The following CSMD2 variants were observed in gnomAD, a reference collection of about 807,000 sequenced individuals.
CSMD2 encodes CUB and sushi domain-containing protein 2.
In CSMD2, 130 loss-of-function variants were observed where a neutral mutation model predicts 398.5. The ratio of observed to expected loss-of-function variants is 0.33; its 90% CI spans 0.28 to 0.38. CSMD2 has a LOEUF of 0.38. CSMD2 is among the 10% of genes least tolerant of loss of function. The probability of loss-of-function intolerance (pLI) is 1.00; values close to 1 mark genes in which losing one functional copy is unlikely to be tolerated. For synonymous variants in CSMD2, 1,828 were observed against 1,908.5 expected (o/e 0.96, Z 1.10); for missense variants, 3,829 against 4,764.9 (o/e 0.80, Z 5.78).
chr1:33,747,558 A>G (rs1647556958), intron 13 of CSMD2, among the ~76,000 whole-genome samples: 1 of 152,236 alleles, frequency 6.6e-6, no homozygotes, highest in African/African-American at 2.4e-5. Context: ...GGGAGGAAAA[A>G]AGAAATTCAA....
At position 33,626,556 on chromosome 1, in the gene CSMD2, G is replaced by A. The variant is rs1191334467; in HGVS notation, c.5226C>T (p.Ser1742=). 1.9e-6 allele frequency: 3 copies of A among 1,605,658 alleles called. No homozygotes were observed. The highest frequency in any genetic ancestry group is 2.5e-6 in the Non-Finnish European group (3 of 1,176,626). Residue 1742 remains serine, a synonymous_variant, in exon 33 of 71, where the codon TCC becomes TCT. Transcript: ENST00000373381. The part of the protein sequence containing the change: ...HTGESLPLAT[S]NQVLIKFSAK... ...CGCTGAACTTAATGAGAACTTGATTGGAGGTGGCCAAGGGCAGTGATTCTC... is the reference window on the plus strand; with the variant it reads ...CGCTGAACTTAATGAGAACTTGATTAGAGGTGGCCAAGGGCAGTGATTCTC...
intron 38 of CSMD2, among the ~76,000 whole-genome samples, chr1:33,617,209 G>C (rs1570958664): frequency 6.6e-6 from 1 of 152,360 alleles, no homozygotes; most frequent in East Asian, 1.9e-4. Flanking sequence ...TTCCTTGTGA[G>C]AGTCCTTTAA....
intron 48 of CSMD2, among the ~76,000 whole-genome samples, chr1:33,579,534 T>C (rs929869268): frequency 6.6e-6 from 1 of 152,038 alleles, no homozygotes; most frequent in Non-Finnish European, 1.5e-5. Context: ...CCCTGAAAGC[T>C]ACACCCAGGG....
chr1:33,550,675 GGTACGCAGA>G (rs1303800508), intron 55 of CSMD2, among the ~76,000 whole-genome samples: 2 of 152,176 alleles, frequency 1.3e-5, no homozygotes, highest in African/African-American at 2.4e-5. Flanking sequence ...GCAGGAAGGT[GGTACGCAGA>G]GTATACACAA....
At chr1:34,038,264 G>T (rs909791676) in intron 2 of CSMD2, among the ~76,000 whole-genome samples, 11 of 152,150 alleles carry the variant, frequency 7.2e-5, no homozygotes, top group Middle Eastern at 3.2e-3. Flanking sequence ...AAGGAGTGAG[G>T]TATCCTTCAA....
chr1:33,926,522 C>T lies in CSMD2; in HGVS notation c.713-8221G>A, dbSNP rs968253427. Among the ~76,000 whole-genome samples, 8 of 152,260 alleles carry T rather than the reference C, an allele frequency of 5.3e-5. No individual in the cohort carries two copies. In the South Asian group the frequency reaches 1.0e-3, roughly 20 times the overall value. ...GCCATCCCTGCCTCTTGGGCTCATC[C>T]GACACCCTGGCCCTTGCATCATCCT... is the stretch of plus-strand genomic sequence containing the variant. On this transcript the variant is annotated intron_variant, in intron 4 of 70. Transcript: ENST00000373381.
chr1:33,576,720 C>A (rs1456681358), intron 49 of CSMD2, among the ~76,000 whole-genome samples: 2 of 151,994 alleles, frequency 1.3e-5, no homozygotes, highest in Non-Finnish European at 2.9e-5. Context: ...ACATAAAAGA[C>A]CAAAGGAAAT....
At chr1:34,145,549 CA>C (rs1558459017) in intron 1 of CSMD2, among the ~76,000 whole-genome samples, 1 of 152,194 alleles carries the variant, frequency 6.6e-6, no homozygotes, top group Non-Finnish European at 1.5e-5. Flanking sequence ...TCTGTACCAG[CA>C]GACCTGAAAA....
At chr1:33,848,533 G>A (rs1638451544) in intron 5 of CSMD2, among the ~76,000 whole-genome samples, 1 of 152,192 alleles carries the variant, frequency 6.6e-6, no homozygotes, top group South Asian at 2.1e-4. Context: ...AGGCAAGGGA[G>A]AGGATCTGGA....
intron 3 of CSMD2, among the ~76,000 whole-genome samples, chr1:33,992,795 T>C (rs1646600520): frequency 6.7e-6 from 1 of 148,642 alleles, no homozygotes; most frequent in South Asian, 2.1e-4. Flanking sequence ...GAGAATGGTG[T>C]GAACCCGGGA....
intron 29 of CSMD2, among the ~76,000 whole-genome samples, chr1:33,639,677 A>G (rs2148926805): frequency 1.3e-5 from 2 of 152,302 alleles, no homozygotes; most frequent in Middle Eastern, 6.8e-3. Flanking sequence ...TTGGCTGAAT[A>G]CTTTGAGGCT....
chr1:33,585,327 C>T (rs1639008666), intron 46 of CSMD2, among the ~76,000 whole-genome samples: 1 of 152,100 alleles, frequency 6.6e-6, no homozygotes, highest in Admixed American at 6.5e-5. Flanking sequence ...ATTTTGGGTA[C>T]AAGACTTTGC....
At chr1:33,822,850 CT>C (rs1184445988) in intron 7 of CSMD2, among the ~76,000 whole-genome samples, 2 of 152,206 alleles carry the variant, frequency 1.3e-5, no homozygotes, top group Non-Finnish European at 2.9e-5. Flanking sequence ...TCCGTCCCTA[CT>C]GCAGACTTCC....
intron 15 of CSMD2, 145 bp downstream of exon 15, chr1:33,738,995 C>G (rs1569620602): frequency 1.5e-6 from 1 of 689,452 alleles, no homozygotes; most frequent in South Asian, 2.1e-5. Flanking sequence ...GCTATTCCAG[C>G]ATGAGGGTGA....
chr1:33,662,892 G>A lies in CSMD2; in HGVS notation c.4253C>T (p.Ser1418Leu). The A allele has an allele frequency of 6.2e-7, 1 of 1,614,132 alleles. No individual in the cohort carries two copies. The highest frequency in any genetic ancestry group is 8.5e-7 in the Non-Finnish European group (1 of 1,179,982). Residue 1418 changes from serine (S) to leucine (L), a missense_variant and splice_region_variant, in exon 26 of 71, where the codon TCA (serine) becomes TTA (leucine). By Grantham distance (145) the Ser-to-Leu change is moderately radical. Coordinates refer to ENST00000373381, the MANE Select transcript of CSMD2 (RefSeq NM_001281956.2). The part of the protein sequence containing the change: ...TSKQGFAIQF[S>L]VSTATSCNDP... ...GCTGGCAGAGGGCACGCACAGACCTGAAAATTGAATGGCAAAGCCCTGCTT... is the reference window on the plus strand; with the variant it reads ...GCTGGCAGAGGGCACGCACAGACCTAAAAATTGAATGGCAAAGCCCTGCTT...
intron 27 of CSMD2, 104 bp from the exon 28 acceptor site, chr1:33,652,565 G>T: frequency 1.5e-6 from 2 of 1,355,516 alleles, no homozygotes; most frequent in Non-Finnish European, 1.0e-6. Context: ...GAGGCTGACA[G>T]GCTGAAGTTG....
intron 3 of CSMD2, among the ~76,000 whole-genome samples, chr1:34,031,628 T>C (rs1215953587): frequency 6.6e-6 from 1 of 152,070 alleles, no homozygotes; most frequent in African/African-American, 2.4e-5. Flanking sequence ...GGTGGTTTTT[T>C]GCTAAGGAGG....
At chr1:33,561,167 G>A (rs1439257441) in intron 53 of CSMD2, among the ~76,000 whole-genome samples, 1 of 152,168 alleles carries the variant, frequency 6.6e-6, no homozygotes, top group African/African-American at 2.4e-5. Context: ...TCCTTGGTGT[G>A]GCCAGATCTG....
intron 3 of CSMD2, among the ~76,000 whole-genome samples, chr1:33,972,736 T>A (rs1645818843): frequency 1.3e-5 from 2 of 152,300 alleles, no homozygotes; most frequent in Middle Eastern, 6.8e-3. Context: ...TGAGTCTGAT[T>A]GTGGACTTCT....
Sources: allele counts gnomAD v4.1 joint callset (sites outside exome capture counted in the v4.1 genomes callset), GRCh38; gene constraint gnomAD v4.1.1; transcripts MANE v1.5; gene names NCBI Gene and HGNC (gene_info 2026-07-23, HGNC 2026-07-21).